Variants in FBLN5 observed in about 807,000 individuals in gnomAD.
FBLN5 encodes fibulin 5.
In FBLN5, 24 loss-of-function variants were observed where a neutral mutation model predicts 61.6. The ratio of observed to expected loss-of-function variants is 0.39; its 90% CI spans 0.28 to 0.55. FBLN5 has a LOEUF of 0.55. FBLN5 is among the 20% of genes least tolerant of loss of function. FBLN5 has a pLI of 0.65. For synonymous variants in FBLN5, 213 were observed against 219.8 expected, an observed-to-expected ratio of 0.97 and a Z score of 0.27; for missense variants, 470 against 594.1, an observed-to-expected ratio of 0.79 and a Z score of 2.17.
chr14:91,894,839 A>AC, intron 5 of FBLN5, 111 bp downstream of exon 5: 2 of 289,742 alleles, frequency 6.9e-6, no homozygotes, highest in Admixed American at 4.5e-5. Context: ...CGCCCTCCCT[A>AC]GCAAAGAAAA....
rs75301896 is a variant in FBLN5, at chr14:91,947,055, A to T, written c.17+158T>A. On this transcript the variant is annotated intron_variant, in intron 1 of 10. Coordinates refer to ENST00000342058, the MANE Select transcript of FBLN5 (RefSeq NM_006329.4). This position sits in a 1 kb window ranked among gnomAD's most constrained non-coding sequence, Gnocchi z 4.3. Reference sequence around the variant, plus strand: ...TTCAAGATGGAAATTACAGAGGCGCAGCTTTTTATAATTAACAATATCATT... The same window carrying T: ...TTCAAGATGGAAATTACAGAGGCGCTGCTTTTTATAATTAACAATATCATT... 8,183 of 1,538,308 alleles carry T rather than the reference A, an allele frequency of 5.3e-3. 401 individuals carry two copies. The African/African-American group carries it at 0.099, about 19-fold the overall frequency.
chr14:91,883,652 A>AAAAAAAG lies in FBLN5; in HGVS notation c.740-577_740-576insCTTTTTT, dbSNP rs1223088468. On this transcript the variant is annotated intron_variant, in intron 7 of 10. Transcript: ENST00000342058. ...TATTAAAACTTCACTGTGTAAAAAA[A>AAAAAAAG]AAAACAAAAAAAACACACACACACA... Among the ~76,000 whole-genome samples the AAAAAAAG allele has an allele frequency of 4.0e-5, 6 of 149,456 alleles. No individual in the cohort carries two copies. In the South Asian group the frequency reaches 1.3e-3, roughly 31 times the overall value.
intron 4 of FBLN5, among the ~76,000 whole-genome samples, chr14:91,918,069 G>A (rs1347630758): frequency 6.6e-6 from 1 of 152,214 alleles, no homozygotes; most frequent in Non-Finnish European, 1.5e-5. Flanking sequence ...CCAGTTGGGA[G>A]TGTCACATCT....
At chr14:91,891,179 A>G in intron 6 of FBLN5, 42 bp downstream of exon 6, 1 of 1,084,066 alleles carries the variant, frequency 9.2e-7, no homozygotes, top group Non-Finnish European at 1.4e-6. Context: ...GGCTGCAGCT[A>G]GTGTCTCACA....
At chr14:91,934,093 C>A (rs547424703) in intron 4 of FBLN5, among the ~76,000 whole-genome samples, 1 of 152,158 alleles carries the variant, frequency 6.6e-6, no homozygotes, top group South Asian at 2.1e-4. Context: ...GTAGTCCCAG[C>A]TACTTGGGAG....
chr14:91,881,980 C>T (rs1889497851), intron 8 of FBLN5, among the ~76,000 whole-genome samples: 1 of 151,508 alleles, frequency 6.6e-6, no homozygotes, highest in Admixed American at 6.6e-5. Flanking sequence ...GTGGCATGCG[C>T]CTGTACTAAA....
At chr14:91,876,460 T>C (rs1354008907) in intron 10 of FBLN5, among the ~76,000 whole-genome samples, 2 of 152,186 alleles carry the variant, frequency 1.3e-5, no homozygotes, top group East Asian at 1.9e-4. Context: ...CCCGTTCCGT[T>C]ATAAGGAAAA....
intron 5 of FBLN5, among the ~76,000 whole-genome samples, chr14:91,894,286 C>T (rs923102537): frequency 3.3e-5 from 5 of 150,312 alleles, no homozygotes; most frequent in African/African-American, 4.9e-5. Context: ...GAAACGCCAG[C>T]TACTCACTCA....
Position 91,910,344 on chromosome 14 carries a change from G to A in FBLN5, c.380-15272C>T, listed in dbSNP as rs11625644. 6.6e-4 allele frequency among the ~76,000 whole-genome samples: 101 copies of A among 152,268 alleles called. 1 individual carries two copies. Among genetic ancestry groups the A allele is most frequent in the Admixed American group, 1.0e-3 (16 of 15,280 alleles). On this transcript the variant is annotated intron_variant, in intron 4 of 10. Coordinates refer to ENST00000342058, the MANE Select transcript of FBLN5 (RefSeq NM_006329.4). ...GAGGTCAAATTCATAGAAACAGAAA[G>A]TAGAATGGTGGTTATCACGGGCTAG...
At chr14:91,903,094 T>G (rs1006350688) in intron 4 of FBLN5, among the ~76,000 whole-genome samples, 3 of 152,204 alleles carry the variant, frequency 2.0e-5, no homozygotes, top group Non-Finnish European at 4.4e-5. Flanking sequence ...TGAAACTATT[T>G]TTTTTTAATG....
rs1888849317 is a variant in FBLN5, at chr14:91,870,143, T to C, written c.*81A>G. The C allele has an allele frequency of 4.3e-6, 6 of 1,407,488 alleles. No individual in the cohort carries two copies. In the Admixed American group the frequency reaches 8.4e-5, roughly 20 times the overall value. 87.2% of individuals were successfully genotyped at this position (1,407,488 alleles called of 1,614,324 possible). ...AGGAAATGCCTAACGTCTGTGTCGCTCTCATTCTCTCTGTTATTTCCTCTC... is the reference window on the plus strand; with the variant it reads ...AGGAAATGCCTAACGTCTGTGTCGCCCTCATTCTCTCTGTTATTTCCTCTC... On this transcript the variant is annotated 3_prime_UTR_variant, in exon 11 of 11. Transcript: ENST00000342058.
intron 4 of FBLN5, among the ~76,000 whole-genome samples, chr14:91,922,069 G>A (rs1321156456): frequency 2.6e-5 from 4 of 152,090 alleles, no homozygotes; most frequent in Non-Finnish European, 5.9e-5. Flanking sequence ...AGGCCAAGGC[G>A]GGCGGATCAC....
intron 4 of FBLN5, among the ~76,000 whole-genome samples, chr14:91,914,885 T>C (rs1595330847): frequency 6.6e-6 from 1 of 151,768 alleles, no homozygotes; most frequent in East Asian, 1.9e-4. Context: ...CAAGGCTGGG[T>C]GCAGTGACTC....
chr14:91,889,767 G>C (rs1889902746), intron 6 of FBLN5, among the ~76,000 whole-genome samples: 1 of 152,230 alleles, frequency 6.6e-6, no homozygotes, highest in South Asian at 2.1e-4. Flanking sequence ...CCCAGTGGCT[G>C]AGTGCCCATA....
At chr14:91,888,490 T>C (rs1310438019) in intron 6 of FBLN5, among the ~76,000 whole-genome samples, 1 of 150,954 alleles carries the variant, frequency 6.6e-6, no homozygotes, top group East Asian at 1.9e-4. Flanking sequence ...GTGCCTGTAA[T>C]CACAGCTACT....
At position 91,947,389 on chromosome 14, in the gene FBLN5, C is replaced by T; in HGVS notation, c.-160G>A. On this transcript the variant is annotated 5_prime_UTR_variant, in exon 1 of 11. Coordinates refer to ENST00000342058, the MANE Select transcript of FBLN5 (RefSeq NM_006329.4). This position sits in a 1 kb window ranked among gnomAD's most constrained non-coding sequence, Gnocchi z 4.3. ...AGTCGTGGAGAGGACACGGGGAGAG[C>T]GCCGGGGTCCTCCCAGCCACTGCAG... is the stretch of plus-strand genomic sequence containing the variant. 1 of 782,248 alleles carries T rather than the reference C, an allele frequency of 1.3e-6. No homozygotes were observed. The allele number at this position is 782,248 out of a possible 1,614,324, so 48.5% of individuals were successfully genotyped here.
intron 4 of FBLN5, among the ~76,000 whole-genome samples, chr14:91,897,449 G>C (rs1215993867): frequency 6.6e-6 from 1 of 152,360 alleles, no homozygotes; most frequent in East Asian, 1.9e-4. Flanking sequence ...CACTGCCTTA[G>C]GAATTTCTGT....
intron 4 of FBLN5, among the ~76,000 whole-genome samples, chr14:91,909,807 A>AAC (rs1331520643): frequency 1.3e-5 from 2 of 152,222 alleles, no homozygotes; most frequent in Non-Finnish European, 1.5e-5. Flanking sequence ...CAGTTATAGC[A>AAC]ACACCAAAGG....
chr14:91,877,440 C>T (rs766000902), intron 10 of FBLN5, 47 bp downstream of exon 10: 22 of 1,476,056 alleles, frequency 1.5e-5, no homozygotes, highest in Non-Finnish European at 2.0e-5. Context: ...AGAGACAGCA[C>T]AAGGCCACTG....
Sources: gnomAD v4.1 joint callset for allele counts (sites outside exome capture counted in the v4.1 genomes callset) on GRCh38, gnomAD v4.1.1 for gene constraint, Gnocchi (gnomAD v3.1) non-coding constraint, MANE v1.5 for transcripts, NCBI Gene and HGNC (gene_info 2026-07-23, HGNC 2026-07-21) for gene names.